SUFU: variants seen among roughly 807,000 people sequenced by gnomAD.
SUFU encodes the protein SUFU negative regulator of hedgehog signaling, also known as suppressor of fused homolog.
In SUFU, 7 loss-of-function variants were observed where a neutral mutation model predicts 58.9. The observed-to-expected ratio is 0.12, with a 90% CI of 0.07 to 0.22. SUFU has a LOEUF of 0.22. Among genes scored for constraint, SUFU ranks in the 10% least tolerant of loss-of-function variants. SUFU has a pLI of 1.00. For missense variants in SUFU, 451 were observed against 641.3 expected, an observed-to-expected ratio of 0.70 and a Z score of 3.20; for synonymous variants, 232 against 254.8, an observed-to-expected ratio of 0.91 and a Z score of 0.85.
intron 3 of SUFU, among the ~76,000 whole-genome samples, chr10:102,580,630 T>C (rs1291725519): frequency 6.6e-6 from 1 of 152,126 alleles, no homozygotes; most frequent in African/African-American, 2.4e-5. Context: ...ATCTGCTGCC[T>C]TCCTTTGGTG....
chr10:102,620,821 G>A (rs2063733686), intron 10 of SUFU, among the ~76,000 whole-genome samples: 1 of 152,198 alleles, frequency 6.6e-6, no homozygotes, highest in Non-Finnish European at 1.5e-5. Flanking sequence ...CCAGAGCTGA[G>A]TTGTTCATCC....
chr10:102,622,399 C>T (rs558075876), intron 10 of SUFU, among the ~76,000 whole-genome samples: 5 of 151,844 alleles, frequency 3.3e-5, no homozygotes, highest in Non-Finnish European at 7.4e-5. Flanking sequence ...CATCTGAGGT[C>T]GGGAGTTCGA....
intron 2 of SUFU, among the ~76,000 whole-genome samples, chr10:102,544,470 AC>A (rs1337279817): frequency 6.6e-6 from 1 of 152,156 alleles, no homozygotes; most frequent in Non-Finnish European, 1.5e-5. Context: ...GGAGGCCGAG[AC>A]GGGCAGATCA....
intron 2 of SUFU, among the ~76,000 whole-genome samples, chr10:102,522,791 TCTG>T (rs1167698368): frequency 6.6e-6 from 1 of 152,204 alleles, no homozygotes; most frequent in Non-Finnish European, 1.5e-5. Flanking sequence ...CAGACGTTAA[TCTG>T]CTCCGTAGAT....
intron 2 of SUFU, among the ~76,000 whole-genome samples, chr10:102,542,693 C>T (rs1031448960): frequency 1.3e-5 from 2 of 149,978 alleles, no homozygotes; most frequent in African/African-American, 4.9e-5. Flanking sequence ...GGCGTAATCA[C>T]AGCTCACTGT....
At chr10:102,589,774 A>G (rs12411442) in intron 3 of SUFU, among the ~76,000 whole-genome samples, 68,959 of 151,816 alleles carry the variant, frequency 0.45, 16,049 homozygotes, top group East Asian at 0.68. Flanking sequence ...TTTCTTGCCT[A>G]ATTGTCCTGG....
intron 8 of SUFU, among the ~76,000 whole-genome samples, chr10:102,601,898 C>T (rs894346991): frequency 1.3e-5 from 2 of 152,198 alleles, no homozygotes; most frequent in Non-Finnish European, 2.9e-5. Context: ...CTGATTTCCC[C>T]TTAGTCAGGA....
chr10:102,592,452 T>A, intron 3 of SUFU, 130 bp from the exon 4 acceptor site: 1 of 1,024,906 alleles, frequency 9.8e-7, no homozygotes, highest in South Asian at 1.3e-5. Flanking sequence ...AGTGAATGCT[T>A]CTCTTCCTTC....
At chr10:102,597,934 G>C (rs1216124580) in intron 7 of SUFU, among the ~76,000 whole-genome samples, 1 of 152,238 alleles carries the variant, frequency 6.6e-6, no homozygotes, top group Non-Finnish European at 1.5e-5. Context: ...AGTAGAGGGC[G>C]TCCCCAGCTA....
intron 2 of SUFU, among the ~76,000 whole-genome samples, chr10:102,513,954 G>A (rs1052679276): frequency 2.6e-5 from 4 of 151,968 alleles, no homozygotes; most frequent in South Asian, 2.1e-4. Context: ...GCGAGGTCAC[G>A]GCTCACTGCA....
chr10:102,554,987 G>A (rs932213357), intron 3 of SUFU, among the ~76,000 whole-genome samples: 20 of 152,152 alleles, frequency 1.3e-4, no homozygotes, highest in Admixed American at 5.9e-4. Context: ...TATATGGATT[G>A]GCCGGGCGCA....
intron 8 of SUFU, among the ~76,000 whole-genome samples, chr10:102,604,302 ATGCCAAG>A (rs1220055657): frequency 3.3e-5 from 5 of 152,242 alleles, no homozygotes; most frequent in African/African-American, 1.2e-4. Context: ...CCATGTTGTC[ATGCCAAG>A]TGCCTTTACA....
intron 2 of SUFU, among the ~76,000 whole-genome samples, chr10:102,530,097 A>G (rs1406594203): frequency 1.3e-5 from 2 of 152,200 alleles, no homozygotes; most frequent in African/African-American, 4.8e-5. Flanking sequence ...AGCCTTGCAC[A>G]CATGGAAGTT....
intron 3 of SUFU, among the ~76,000 whole-genome samples, chr10:102,586,667 C>T (rs977052667): frequency 6.6e-5 from 10 of 151,892 alleles, no homozygotes; most frequent in Admixed American, 3.9e-4. Context: ...AGCGAGACTC[C>T]GTCTCAAAAA....
At chr10:102,509,690 C>T (rs1337794909) in intron 2 of SUFU, among the ~76,000 whole-genome samples, 1 of 152,184 alleles carries the variant, frequency 6.6e-6, no homozygotes, top group African/African-American at 2.4e-5. Context: ...ATAGTGAACA[C>T]TCATATACCC....
chr10:102,513,374 T>C (rs1025795904), intron 2 of SUFU, among the ~76,000 whole-genome samples: 4 of 152,116 alleles, frequency 2.6e-5, no homozygotes, highest in African/African-American at 4.8e-5. Context: ...GTGTCTTCTC[T>C]TCAGCAAAAA....
intron 3 of SUFU, chr10:102,591,561 G>A (rs531065471): frequency 6.6e-5 from 10 of 151,322 alleles, no homozygotes; most frequent in South Asian, 2.1e-4. Context: ...AAATTGGAAC[G>A]ATACAGAGAA....
intron 3 of SUFU, among the ~76,000 whole-genome samples, chr10:102,580,955 G>T (rs1240030154): frequency 6.6e-6 from 1 of 152,038 alleles, no homozygotes; most frequent in East Asian, 1.9e-4. Context: ...GCCGAGACAG[G>T]TGGATCACTT....
At chr10:102,528,963 T>TTC (rs1474756807) in intron 2 of SUFU, among the ~76,000 whole-genome samples, 2 of 133,448 alleles carry the variant, frequency 1.5e-5, no homozygotes, top group East Asian at 2.0e-4. Context: ...TTTCCTTTCT[T>TTC]TTTTTTTTTT....
Sources: gnomAD v4.1 joint callset for allele counts (sites outside exome capture counted in the v4.1 genomes callset) on GRCh38, gnomAD v4.1.1 for gene constraint, MANE v1.5 for transcripts, NCBI Gene and HGNC (gene_info 2026-07-23, HGNC 2026-07-21) for gene names.